SLC10A7: variants seen among roughly 807,000 people sequenced by gnomAD.
SLC10A7 encodes the protein sodium/bile acid cotransporter 7.
SLC10A7 carries 29 observed loss-of-function variants against 43.2 expected under a neutral mutation model. That is an observed-to-expected ratio of 0.67 (90% CI 0.50 to 0.92). The LOEUF is 0.92. SLC10A7 is among the 40% of genes least tolerant of loss of function. SLC10A7 has a pLI of 0.00. For synonymous variants in SLC10A7, 152 were observed against 144.8 expected, an observed-to-expected ratio of 1.05 and a Z score of -0.35; for missense variants, 295 against 403.2, an observed-to-expected ratio of 0.73 and a Z score of 2.30.
intron 10 of SLC10A7, among the ~76,000 whole-genome samples, chr4:146,272,566 C>T (rs1728962235): frequency 6.6e-6 from 1 of 152,144 alleles, no homozygotes; most frequent in African/African-American, 2.4e-5. Context: ...AGACACTCAA[C>T]CTGGTTTCTA....
intron 4 of SLC10A7, among the ~76,000 whole-genome samples, chr4:146,490,662 A>G (rs1351656146): frequency 6.6e-6 from 1 of 152,320 alleles, no homozygotes; most frequent in South Asian, 2.1e-4. Context: ...ACTATTAAGC[A>G]TACACTCTGA....
At chr4:146,418,002 AGATGATGATGATGATGATGAT>A (rs140809624) in intron 5 of SLC10A7, among the ~76,000 whole-genome samples, 8 of 147,230 alleles carry the variant, frequency 5.4e-5, no homozygotes, top group African/African-American at 2.0e-4. Flanking sequence ...ATATCTGAAC[AGATGATGATGATGATGATGAT>A]GATGATGATG....
intron 5 of SLC10A7, among the ~76,000 whole-genome samples, chr4:146,348,021 T>C (rs1734747357): frequency 6.6e-6 from 1 of 152,152 alleles, no homozygotes; most frequent in Non-Finnish European, 1.5e-5. Context: ...AAGGCTGACA[T>C]CAGCACATCA....
intron 5 of SLC10A7, among the ~76,000 whole-genome samples, chr4:146,374,454 T>C (rs1473928412): frequency 6.6e-6 from 1 of 151,976 alleles, no homozygotes; most frequent in Admixed American, 6.6e-5. Flanking sequence ...CTGGGCATGG[T>C]GGTGCACGCC....
intron 6 of SLC10A7, among the ~76,000 whole-genome samples, chr4:146,324,143 AC>A (rs977598346): frequency 4.6e-5 from 7 of 152,210 alleles, no homozygotes; most frequent in African/African-American, 1.7e-4. Flanking sequence ...TTCAAGGAGA[AC>A]TACAAACCAC....
At chr4:146,379,137 C>T (rs997433891) in intron 5 of SLC10A7, among the ~76,000 whole-genome samples, 2 of 152,126 alleles carry the variant, frequency 1.3e-5, no homozygotes, top group Non-Finnish European at 2.9e-5. Context: ...GGAATGCTGA[C>T]CAAATTACTT....
intron 5 of SLC10A7, among the ~76,000 whole-genome samples, chr4:146,390,855 T>C (rs1029054332): frequency 4.0e-5 from 6 of 150,940 alleles, no homozygotes; most frequent in Admixed American, 1.3e-4. Context: ...TTTCCAGACA[T>C]ACAGAAAAGT....
At chr4:146,339,003 G>C (rs755372469) in intron 5 of SLC10A7, among the ~76,000 whole-genome samples, 9 of 151,900 alleles carry the variant, frequency 5.9e-5, no homozygotes, top group Admixed American at 3.3e-4. Flanking sequence ...ATGGAGGAGG[G>C]GGATAGTATG....
At position 146,258,724 on chromosome 4, in the gene SLC10A7, T is replaced by C. The variant is rs1282054433; in HGVS notation, c.961A>G (p.Thr321Ala). 3 of 1,604,252 alleles carry C rather than the reference T, an allele frequency of 1.9e-6. No individual in the cohort carries two copies. The highest frequency in any genetic ancestry group is 2.5e-6 in the Non-Finnish European group (3 of 1,177,940). ...QILLGSVLVP[T>A]IKSWMVSRQK... ...CTTGATACCATCCAAGACTTGATTG[T>C]TGGCACCAACACACTTCCCAGAAGG... is the stretch of plus-strand genomic sequence containing the variant. The change falls in exon 11 of 12, where the codon ACA (threonine) becomes GCA (alanine). Residue 321 changes from threonine (T) to alanine (A), a missense_variant. By Grantham distance (58) the Thr-to-Ala change is moderately conservative. Coordinates refer to ENST00000335472, the MANE Select transcript of SLC10A7 (RefSeq NM_001029998.6).
intron 2 of SLC10A7, among the ~76,000 whole-genome samples, chr4:146,511,058 G>A (rs995497089): frequency 3.3e-5 from 5 of 152,098 alleles, no homozygotes; most frequent in African/African-American, 1.2e-4. Flanking sequence ...TACCGATGAA[G>A]AAATTGAAGT....
intron 5 of SLC10A7, among the ~76,000 whole-genome samples, chr4:146,359,524 T>C (rs1479314714): frequency 1.3e-5 from 2 of 152,116 alleles, no homozygotes; most frequent in East Asian, 3.9e-4. Flanking sequence ...ATTCTAATAT[T>C]TTATCAAAGA....
At chr4:146,344,579 A>C (rs1434775833) in intron 5 of SLC10A7, among the ~76,000 whole-genome samples, 1 of 151,950 alleles carries the variant, frequency 6.6e-6, no homozygotes, top group Non-Finnish European at 1.5e-5. Flanking sequence ...GACCTTTTGG[A>C]GGGCTCGGTG....
intron 4 of SLC10A7, among the ~76,000 whole-genome samples, chr4:146,444,481 T>C (rs115314214): frequency 6.6e-6 from 1 of 152,284 alleles, no homozygotes; most frequent in Non-Finnish European, 1.5e-5. Flanking sequence ...TGACAAATAA[T>C]ATCATACTCA....
intron 4 of SLC10A7, among the ~76,000 whole-genome samples, chr4:146,481,716 C>G (rs967597396): frequency 6.6e-6 from 1 of 152,114 alleles, no homozygotes. Flanking sequence ...AGAACTGCAT[C>G]CAATCATGCC....
chr4:146,474,926 T>C (rs1733897946), intron 4 of SLC10A7, among the ~76,000 whole-genome samples: 1 of 152,152 alleles, frequency 6.6e-6, no homozygotes, highest in South Asian at 2.1e-4. Context: ...TTCATTTTGA[T>C]AGTACCAGAG....
intron 3 of SLC10A7, among the ~76,000 whole-genome samples, chr4:146,509,019 C>G (rs889557358): frequency 6.6e-6 from 1 of 152,170 alleles, no homozygotes; most frequent in Non-Finnish European, 1.5e-5. Context: ...TGCCCTAGAG[C>G]CTTTGTACAT....
intron 4 of SLC10A7, among the ~76,000 whole-genome samples, chr4:146,455,977 TAA>T (rs1210296488): frequency 6.6e-6 from 1 of 151,732 alleles, no homozygotes; most frequent in Non-Finnish European, 1.5e-5. Flanking sequence ...GCTCTTAGGA[TAA>T]AGAGAGAACA....
intron 4 of SLC10A7, among the ~76,000 whole-genome samples, chr4:146,468,911 T>A (rs1354640981): frequency 1.3e-5 from 2 of 152,112 alleles, no homozygotes; most frequent in Non-Finnish European, 2.9e-5. Flanking sequence ...TACATTTTTT[T>A]AAACCATTGT....
At chr4:146,260,526 GCT>G (rs1343331769) in intron 10 of SLC10A7, among the ~76,000 whole-genome samples, 1 of 152,198 alleles carries the variant, frequency 6.6e-6, no homozygotes, top group African/African-American at 2.4e-5. Context: ...AAGAATCTGG[GCT>G]CTGTGTCATT....
Sources: gnomAD v4.1 joint callset for allele counts (sites outside exome capture counted in the v4.1 genomes callset) on GRCh38, gnomAD v4.1.1 for gene constraint, MANE v1.5 for transcripts, NCBI Gene and HGNC (gene_info 2026-07-23, HGNC 2026-07-21) for gene names.